Variants in ZNF423 observed in about 807,000 individuals in gnomAD.
The protein encoded by ZNF423 is Ebf-associated zinc finger protein.
ZNF423 carries 12 observed loss-of-function variants against 95.8 expected under a neutral mutation model. That is an observed-to-expected ratio of 0.13 (90% CI 0.08 to 0.20). The LOEUF is 0.20. Among genes scored for constraint, ZNF423 ranks in the 10% least tolerant of loss-of-function variants. The pLI is 1.00. For synonymous variants in ZNF423, 749 were observed against 711.9 expected (o/e 1.05, Z -0.83); for missense variants, 1,316 against 1,737.1 (o/e 0.76, Z 4.31).
At chr16:49,815,037 T>A (rs956388409) in intron 1 of ZNF423, among the ~76,000 whole-genome samples, 1 of 152,112 alleles carries the variant, frequency 6.6e-6, no homozygotes, top group African/African-American at 2.4e-5. Flanking sequence ...GCCTGCTGGT[T>A]AGGGCCTCAG....
chr16:49,770,733 G>A (rs549199743), intron 2 of ZNF423, among the ~76,000 whole-genome samples: 37 of 152,304 alleles, frequency 2.4e-4, no homozygotes, highest in African/African-American at 6.5e-4. Context: ...GACAAAGTGC[G>A]GGCCTACAAG....
rs545010534 is a variant in ZNF423, at chr16:49,635,855, G to A, written c.3321C>T (p.Ser1107=). 3.0e-5 allele frequency: 48 copies of A among 1,594,754 alleles called. No homozygotes were observed. The highest frequency in any genetic ancestry group is 1.8e-4 in the Admixed American group (10 of 56,242). ...CCAGGCCACCCACCTGTCCGTTGGC[G>A]CTGCGGGCCATGCAGCCGGCGCAGA... ...YGLCAGCMAR[S]ANGQVGGLAP... is the part of the protein sequence containing the mutation. The change falls in exon 4 of 8, where the codon AGC becomes AGT. Residue 1107 remains serine (S), a synonymous_variant. Transcript: ENST00000563137. This position sits in a 1 kb window ranked among gnomAD's most constrained non-coding sequence, Gnocchi z 4.8.
intron 5 of ZNF423, among the ~76,000 whole-genome samples, chr16:49,624,149 A>G (rs1972176428): frequency 6.6e-6 from 1 of 152,112 alleles, no homozygotes. Flanking sequence ...TACACATATA[A>G]AGAATATAGT....
intron 5 of ZNF423, among the ~76,000 whole-genome samples, chr16:49,562,731 T>C (rs947079905): frequency 1.3e-5 from 2 of 152,212 alleles, no homozygotes; most frequent in African/African-American, 2.4e-5. Context: ...ATGGAAGAAT[T>C]TGTCCAAATA....
At chr16:49,580,069 A>T (rs1970622736) in intron 5 of ZNF423, among the ~76,000 whole-genome samples, 1 of 152,198 alleles carries the variant, frequency 6.6e-6, no homozygotes, top group Admixed American at 6.5e-5. Context: ...CTCCACCCAG[A>T]GGCCATAGCA....
rs9921466 is a variant in ZNF423, at chr16:49,792,936, A to G, written c.41-3390T>C. Among the ~76,000 whole-genome samples the G allele has an allele frequency of 4.5e-3, 681 of 151,796 alleles. 2 individuals are homozygous for G. Among genetic ancestry groups the G allele is most frequent in the African/African-American group, 0.016 (648 of 41,386 alleles). On this transcript the variant is annotated intron_variant, in intron 1 of 7. Transcript: ENST00000563137. ...GCCACTTCATCTGGCTAATTTTTTT[A>G]TTTTTATACTTTTTATAGAGACAAG... is the stretch of plus-strand genomic sequence containing the variant.
Position 49,634,232 on chromosome 16 carries a change from A to AG in ZNF423, c.3516+1427dup, listed in dbSNP as rs141347153. Among the ~76,000 whole-genome samples the AG allele has an allele frequency of 2.1e-3, 285 of 134,934 alleles. 10 individuals are homozygous for AG. The East Asian group carries it at 0.053, about 25-fold the overall frequency. The allele number at this position is 134,934 out of a possible 152,430, so 88.5% of individuals were successfully genotyped here. A position where few individuals can be genotyped will look rare whatever the true frequency, so the allele number is the denominator to read the frequency against. ...TTTTTTTTTTTTTTTTTTAAGGAAC[A>AG]GGGTCCCACTCTGCCACCCAGGCTG... On this transcript the variant is annotated intron_variant, in intron 4 of 7. Transcript: ENST00000563137.
chr16:49,642,763 A>ATCTACAG (rs948746839), intron 3 of ZNF423, among the ~76,000 whole-genome samples: 10 of 148,490 alleles, frequency 6.7e-5, no homozygotes, highest in African/African-American at 2.5e-4. Flanking sequence ...CTCGGGATGT[A>ATCTACAG]TCTACAGGGG....
intron 2 of ZNF423, among the ~76,000 whole-genome samples, chr16:49,767,665 T>C (rs2033953838): frequency 6.6e-6 from 1 of 152,178 alleles, no homozygotes; most frequent in African/African-American, 2.4e-5. Flanking sequence ...TTAGGCCTCA[T>C]CCTTTAATCC....
At chr16:49,624,238 T>C (rs1972181234) in intron 5 of ZNF423, among the ~76,000 whole-genome samples, 3 of 152,084 alleles carry the variant, frequency 2.0e-5, no homozygotes, top group Non-Finnish European at 1.5e-5. Flanking sequence ...TAAAATCACA[T>C]ACATATGTTC....
chr16:49,625,336 G>C (rs1331734285), intron 5 of ZNF423, among the ~76,000 whole-genome samples: 3 of 152,200 alleles, frequency 2.0e-5, no homozygotes, highest in African/African-American at 7.2e-5. Context: ...CTGGGTGACA[G>C]AGTGAGGCTC....
intron 5 of ZNF423, among the ~76,000 whole-genome samples, chr16:49,581,335 G>A (rs1026511422): frequency 1.2e-4 from 19 of 152,168 alleles, no homozygotes; most frequent in Non-Finnish European, 2.5e-4. Flanking sequence ...GCTGAGATGC[G>A]CAGCCCCATC....
chr16:49,523,790 T>A, intron 6 of ZNF423, 51 bp from the exon 7 acceptor site: 1 of 1,508,978 alleles, frequency 6.6e-7, no homozygotes. Context: ...CAGCCCAGCC[T>A]CCTGTGGCAG....
intron 4 of ZNF423, among the ~76,000 whole-genome samples, chr16:49,630,320 G>A (rs1420769043): frequency 6.6e-6 from 1 of 152,198 alleles, no homozygotes; most frequent in Non-Finnish European, 1.5e-5. Context: ...GGTGTCTCCA[G>A]CATCAAAACC....
intron 3 of ZNF423, among the ~76,000 whole-genome samples, chr16:49,701,273 G>A (rs1282849752): frequency 2.6e-5 from 4 of 152,234 alleles, no homozygotes; most frequent in Admixed American, 2.6e-4. Context: ...TGTGTAGGGT[G>A]GGGGACAGGA....
intron 1 of ZNF423, among the ~76,000 whole-genome samples, chr16:49,838,405 G>C (rs1384108997): frequency 6.6e-6 from 1 of 152,234 alleles, no homozygotes; most frequent in Non-Finnish European, 1.5e-5. Context: ...AACCTTGAAT[G>C]AATCAACGAG....
At chr16:49,669,128 G>C (rs933554353) in intron 3 of ZNF423, among the ~76,000 whole-genome samples, 1 of 151,936 alleles carries the variant, frequency 6.6e-6, no homozygotes, top group South Asian at 2.1e-4. Flanking sequence ...TCAGGAGTTC[G>C]AGACCAGCCT....
intron 5 of ZNF423, among the ~76,000 whole-genome samples, chr16:49,574,025 G>A (rs1265510145): frequency 1.3e-5 from 2 of 152,288 alleles, no homozygotes; most frequent in South Asian, 2.1e-4. Context: ...CATTTGCCAG[G>A]TGATCTTTAA....
intron 2 of ZNF423, among the ~76,000 whole-genome samples, chr16:49,782,538 T>A (rs1399432032): frequency 6.6e-6 from 1 of 152,242 alleles, no homozygotes; most frequent in African/African-American, 2.4e-5. Context: ...CACGGTCAAC[T>A]GATAATACTG....
Sources: allele counts gnomAD v4.1 joint callset (sites outside exome capture counted in the v4.1 genomes callset), GRCh38; gene constraint gnomAD v4.1.1; non-coding constraint Gnocchi (gnomAD v3.1); transcripts MANE v1.5; gene names NCBI Gene and HGNC (gene_info 2026-07-23, HGNC 2026-07-21).